The following PALM2AKAP2 variants were observed in gnomAD, a reference collection of about 807,000 sequenced individuals.
PALM2AKAP2 encodes PALM2 and AKAP2 fusion.
PALM2AKAP2 carries 37 observed loss-of-function variants against 71.5 expected under a neutral mutation model. The observed-to-expected ratio is 0.52, with a 90% confidence interval of 0.40 to 0.68. The LOEUF is 0.68. Among genes scored for constraint, PALM2AKAP2 ranks in the 30% least tolerant of loss-of-function variants. The pLI is 0.00. For missense variants in PALM2AKAP2, 1,224 were observed against 1,191.8 expected (o/e 1.03, Z -0.40); for synonymous variants, 468 against 478.8 (o/e 0.98, Z 0.29).
At chr9:109,846,804 C>A (rs1293289260) in intron 1 of PALM2AKAP2, among the ~76,000 whole-genome samples, 2 of 152,258 alleles carry the variant, frequency 1.3e-5, no homozygotes, top group African/African-American at 4.8e-5. Context: ...AAGAATATTT[C>A]TTTGCCTTCC....
chr9:109,795,937 G>A (rs947402301), intron 1 of PALM2AKAP2, among the ~76,000 whole-genome samples: 1 of 152,150 alleles, frequency 6.6e-6, no homozygotes, highest in Non-Finnish European at 1.5e-5. Flanking sequence ...TAGAAGTCAG[G>A]GAACAAAAAG....
chr9:109,727,744 T>A (rs1828496760), intron 1 of PALM2AKAP2, among the ~76,000 whole-genome samples: 1 of 152,232 alleles, frequency 6.6e-6, no homozygotes, highest in Admixed American at 6.5e-5. Flanking sequence ...TAGTTAATGT[T>A]TAAATGTTCA....
chr9:109,939,022 C>A (rs1271645221), intron 6 of PALM2AKAP2, among the ~76,000 whole-genome samples: 1 of 151,958 alleles, frequency 6.6e-6, no homozygotes, highest in Non-Finnish European at 1.5e-5. Flanking sequence ...GAGTAAGACT[C>A]TGTCTCAAAA....
intron 7 of PALM2AKAP2, among the ~76,000 whole-genome samples, chr9:110,027,653 T>C (rs1429451776): frequency 1.3e-5 from 2 of 152,172 alleles, no homozygotes; most frequent in African/African-American, 4.8e-5. Context: ...AAGCCACATT[T>C]AAAAAAGGAT....
intron 6 of PALM2AKAP2, among the ~76,000 whole-genome samples, chr9:109,966,192 C>T (rs1831945274): frequency 1.3e-5 from 2 of 152,034 alleles, no homozygotes; most frequent in Non-Finnish European, 2.9e-5. Flanking sequence ...TCTGGGGCAT[C>T]GTAGAAAATG....
At chr9:109,830,643 A>C (rs1828271028) in intron 1 of PALM2AKAP2, among the ~76,000 whole-genome samples, 1 of 152,196 alleles carries the variant, frequency 6.6e-6, no homozygotes, top group Admixed American at 6.5e-5. Flanking sequence ...GTCCTGGCCA[A>C]TATTTCTAAG....
intron 1 of PALM2AKAP2, among the ~76,000 whole-genome samples, chr9:109,854,527 T>G (rs377115684): frequency 3.2e-4 from 49 of 152,170 alleles, no homozygotes; most frequent in African/African-American, 1.2e-3. Context: ...CCTAATAGGG[T>G]GGGTTCACAT....
At chr9:109,985,154 T>A (rs1476230780) in intron 6 of PALM2AKAP2, among the ~76,000 whole-genome samples, 1 of 151,064 alleles carries the variant, frequency 6.6e-6, no homozygotes, top group East Asian at 2.0e-4. Flanking sequence ...CCAGCCTGGG[T>A]GACAGAGCAA....
At chr9:109,738,276 C>T (rs1037281272) in intron 1 of PALM2AKAP2, among the ~76,000 whole-genome samples, 1 of 152,326 alleles carries the variant, frequency 6.6e-6, no homozygotes, top group East Asian at 1.9e-4. Flanking sequence ...CCCCCAGAGC[C>T]TGCCGCTGAG....
chr9:109,653,652 G>C (rs1587855065), intron 1 of PALM2AKAP2, among the ~76,000 whole-genome samples: 1 of 152,160 alleles, frequency 6.6e-6, no homozygotes. Context: ...TGTAGATAGG[G>C]GGTGTAGTTG....
Position 109,854,547 on chromosome 9 carries a change from A to G in PALM2AKAP2, c.46-12944A>G, listed in dbSNP as rs116602848. 8.6e-3 allele frequency among the ~76,000 whole-genome samples: 1,310 copies of G among 152,242 alleles called. 17 individuals are homozygous for G. The highest frequency in any genetic ancestry group is 0.03 in the African/African-American group (1,231 of 41,522). On this transcript the variant is annotated intron_variant, in intron 1 of 9. Coordinates refer to the PALM2AKAP2 transcript ENST00000302798. ...TAGGGTGGGTTCACATAGAAATACT[A>G]GAAAACACAGAAGGATATAAAGAGC...
chr9:109,805,974 C>T (rs1204002937), intron 1 of PALM2AKAP2, among the ~76,000 whole-genome samples: 1 of 152,160 alleles, frequency 6.6e-6, no homozygotes, highest in Non-Finnish European at 1.5e-5. Flanking sequence ...GACTCCAGGG[C>T]CATGGAAAAG....
rs139786684 is a variant in PALM2AKAP2 at position 109,780,712 on chromosome 9, C to T, written c.45+179C>T. 1.3e-3 allele frequency among the ~76,000 whole-genome samples: 194 copies of T among 152,208 alleles called. 2 individuals carry two copies. In the Middle Eastern group the frequency reaches 0.02, roughly 16 times the overall value. On this transcript the variant is annotated intron_variant, in intron 1 of 9. Transcript: ENST00000302798. ...CTTTTCTATGTCTATAGATGGAGAC[C>T]CCCAAGGGCGCGCTTTGGACTGAGG...
chr9:109,929,762 G>A (rs1355704505), intron 5 of PALM2AKAP2, among the ~76,000 whole-genome samples: 3 of 151,434 alleles, frequency 2.0e-5, no homozygotes, highest in African/African-American at 7.3e-5. Flanking sequence ...TACTCGGGAG[G>A]CTGAGGCAGG....
intron 1 of PALM2AKAP2, among the ~76,000 whole-genome samples, chr9:110,116,088 C>T (rs1032196352): frequency 2.6e-5 from 4 of 152,034 alleles, no homozygotes; most frequent in Non-Finnish European, 4.4e-5. Context: ...CCACCACTGA[C>T]CTTAGACCCT....
At chr9:109,998,093 C>G (rs1395223682) in intron 6 of PALM2AKAP2, among the ~76,000 whole-genome samples, 1 of 151,722 alleles carries the variant, frequency 6.6e-6, no homozygotes, top group Non-Finnish European at 1.5e-5. Flanking sequence ...TGCAGAGACT[C>G]TAGTGAGGAA....
upstream of PALM2AKAP2, among the ~76,000 whole-genome samples, chr9:109,776,904 A>G (rs915761772): frequency 1.3e-5 from 2 of 152,182 alleles, no homozygotes; most frequent in Admixed American, 6.5e-5. Flanking sequence ...TAGGAAGTAC[A>G]CACTATTGGT....
At chr9:109,893,437 G>GATTTC (rs1554724202) in intron 3 of PALM2AKAP2, among the ~76,000 whole-genome samples, 2 of 117,932 alleles carry the variant, frequency 1.7e-5, no homozygotes, top group Non-Finnish European at 3.5e-5. Flanking sequence ...TCTCAGCAGG[G>GATTTC]GTTTCGTTTT....
At chr9:109,693,565 C>G (rs892329625) in intron 1 of PALM2AKAP2, among the ~76,000 whole-genome samples, 8 of 152,032 alleles carry the variant, frequency 5.3e-5, no homozygotes, top group Admixed American at 1.3e-4. Context: ...AACTTATCTT[C>G]TCTAATATTG....
Sources: allele counts gnomAD v4.1 joint callset (sites outside exome capture counted in the v4.1 genomes callset), GRCh38; gene constraint gnomAD v4.1.1; transcripts MANE v1.5; gene names NCBI Gene and HGNC (gene_info 2026-07-23, HGNC 2026-07-21).